Variants in FHOD3 observed in about 807,000 individuals in gnomAD.
FHOD3 encodes FH1/FH2 domain-containing protein 3.
FHOD3 carries 90 observed loss-of-function variants against 173.0 expected under a neutral mutation model. The ratio of observed to expected loss-of-function variants is 0.52; its 90% confidence interval spans 0.44 to 0.62. The LOEUF is 0.62. FHOD3 is among the 20% of genes least tolerant of loss of function. The pLI, the probability that FHOD3 is intolerant of heterozygous loss-of-function variation, is 0.00. For synonymous variants in FHOD3, 828 were observed against 823.0 expected (o/e 1.01, Z -0.10); for missense variants, 1,945 against 2,034.7 (o/e 0.96, Z 0.85).
At position 36,731,297 on chromosome 18, in the gene FHOD3, TAGAG is replaced by T. The variant is rs1195127710; in HGVS notation, c.3576+497_3576+500del. On this transcript the variant is annotated intron_variant, in intron 20 of 28. Coordinates refer to ENST00000590592, the MANE Select transcript of FHOD3 (RefSeq NM_001281740.3). ...ATTTGTTGATCTGAATGTCACAAAG[TAGAG>T]AGACACTGGGTGGCATGGCTGTGAC... Among the ~76,000 whole-genome samples the T allele has an allele frequency of 2.1e-4, 32 of 152,294 alleles. 1 individual carries two copies. The highest frequency in any genetic ancestry group is 2.0e-3 in the Admixed American group (30 of 15,300).
chr18:36,727,398 A>G (rs2041133241), intron 19 of FHOD3, among the ~76,000 whole-genome samples: 1 of 152,194 alleles, frequency 6.6e-6, no homozygotes, highest in African/African-American at 2.4e-5. Context: ...CTTGGGCAGT[A>G]CTAACCAGAT....
chr18:36,630,856 A>G (rs1181503410), intron 10 of FHOD3, among the ~76,000 whole-genome samples: 2 of 152,246 alleles, frequency 1.3e-5, no homozygotes, highest in Non-Finnish European at 2.9e-5. Context: ...TGACTAATGT[A>G]TGTTTCACAG....
At chr18:36,637,791 G>A (rs936825373) in intron 10 of FHOD3, among the ~76,000 whole-genome samples, 12 of 152,266 alleles carry the variant, frequency 7.9e-5, no homozygotes, top group African/African-American at 2.9e-4. Flanking sequence ...GCACAAGGAT[G>A]TGGACAGGGA....
At chr18:36,677,464 A>G (rs902666414) in intron 14 of FHOD3, among the ~76,000 whole-genome samples, 54 of 152,098 alleles carry the variant, frequency 3.6e-4, no homozygotes, top group African/African-American at 1.2e-3. Context: ...TTTGTTTTAT[A>G]TGGCTAAAAG....
At chr18:36,364,109 C>A (rs1031370885) in intron 2 of FHOD3, among the ~76,000 whole-genome samples, 1 of 152,140 alleles carries the variant, frequency 6.6e-6, no homozygotes, top group Non-Finnish European at 1.5e-5. Flanking sequence ...ATCATAGTTA[C>A]AATGCAGCTG....
At chr18:36,540,809 A>C (rs2057179395) in intron 5 of FHOD3, among the ~76,000 whole-genome samples, 1 of 152,208 alleles carries the variant, frequency 6.6e-6, no homozygotes, top group Non-Finnish European at 1.5e-5. Context: ...GTTGTGGGGC[A>C]GGGCACACCT....
chr18:36,353,892 C>G (rs910945046), intron 1 of FHOD3, among the ~76,000 whole-genome samples: 1 of 151,834 alleles, frequency 6.6e-6, no homozygotes, highest in African/African-American at 2.4e-5. Flanking sequence ...AACCCAAGCT[C>G]CTTGCATTTG....
intron 3 of FHOD3, among the ~76,000 whole-genome samples, chr18:36,401,473 C>A (rs1423331018): frequency 6.6e-6 from 1 of 152,096 alleles, no homozygotes; most frequent in Non-Finnish European, 1.5e-5. Flanking sequence ...CTGTCATTGG[C>A]AAGGATGCCT....
chr18:36,303,916 AAGTT>A (rs1044406245), intron 1 of FHOD3, among the ~76,000 whole-genome samples: 3 of 152,132 alleles, frequency 2.0e-5, no homozygotes, highest in African/African-American at 7.2e-5. Flanking sequence ...GTTCTGAACT[AAGTT>A]AGAAAGAATG....
At chr18:36,470,192 G>A (rs919425212) in intron 3 of FHOD3, among the ~76,000 whole-genome samples, 4 of 152,140 alleles carry the variant, frequency 2.6e-5, no homozygotes, top group African/African-American at 4.8e-5. Flanking sequence ...GGAGGCCTCC[G>A]GGGGGTTTCT....
chr18:36,322,354 G>C (rs974357803), intron 1 of FHOD3, among the ~76,000 whole-genome samples: 2 of 152,160 alleles, frequency 1.3e-5, no homozygotes, highest in East Asian at 1.9e-4. Context: ...AGAGGGTTAT[G>C]GGGGAGGAAC....
intron 3 of FHOD3, among the ~76,000 whole-genome samples, chr18:36,378,219 C>CT (rs2047543345): frequency 6.6e-6 from 1 of 152,170 alleles, no homozygotes; most frequent in Non-Finnish European, 1.5e-5. Flanking sequence ...GACACTGAGT[C>CT]TCCCCTTGCA....
chr18:36,681,274 C>T (rs564508768), intron 14 of FHOD3, among the ~76,000 whole-genome samples, 162 bp from the exon 15 acceptor site: 1 of 152,208 alleles, frequency 6.6e-6, no homozygotes, highest in African/African-American at 2.4e-5. Context: ...AATTTACAGA[C>T]AAAAATCTGA....
chr18:36,388,764 C>A (rs1023339991), intron 3 of FHOD3, among the ~76,000 whole-genome samples: 4 of 152,210 alleles, frequency 2.6e-5, no homozygotes, highest in Admixed American at 6.5e-5. Flanking sequence ...ACAAAACAGA[C>A]CACCACCACC....
intron 5 of FHOD3, among the ~76,000 whole-genome samples, chr18:36,575,988 G>C (rs2058633678): frequency 6.6e-6 from 1 of 152,166 alleles, no homozygotes; most frequent in South Asian, 2.1e-4. Context: ...GAATAAAATT[G>C]GATTAACCCA....
At chr18:36,606,585 A>G (rs111330039) in intron 8 of FHOD3, among the ~76,000 whole-genome samples, 3 of 152,256 alleles carry the variant, frequency 2.0e-5, no homozygotes, top group African/African-American at 7.2e-5. Flanking sequence ...CTCATGTGCA[A>G]GATATATCCA....
intron 18 of FHOD3, among the ~76,000 whole-genome samples, chr18:36,712,642 C>T (rs565235734): frequency 1.3e-5 from 2 of 152,288 alleles, no homozygotes; most frequent in South Asian, 4.1e-4. Flanking sequence ...AAGACTCGAT[C>T]TAACGCCAAT....
intron 3 of FHOD3, among the ~76,000 whole-genome samples, chr18:36,389,647 C>A (rs144985678): frequency 1.3e-5 from 2 of 152,084 alleles, no homozygotes; most frequent in African/African-American, 2.4e-5. Flanking sequence ...TATGTATAGA[C>A]CCTAAAATGA....
chr18:36,586,488 C>CT (rs34226186), intron 6 of FHOD3, among the ~76,000 whole-genome samples: 12,577 of 147,086 alleles, frequency 0.086, 679 homozygotes, highest in East Asian at 0.13. Flanking sequence ...GTGCATGTTA[C>CT]TTTTTTTTTT....
Sources: allele counts gnomAD v4.1 joint callset (sites outside exome capture counted in the v4.1 genomes callset), GRCh38; gene constraint gnomAD v4.1.1; transcripts MANE v1.5; gene names NCBI Gene and HGNC (gene_info 2026-07-23, HGNC 2026-07-21).